The following ZXDC variants were observed in gnomAD, a reference collection of about 807,000 sequenced individuals.
ZXDC encodes the protein zinc finger protein ZXDC.
A neutral mutation model predicts 63.6 loss-of-function variants in ZXDC; 58 were observed. That is an observed-to-expected ratio of 0.91 (90% CI 0.74 to 1.13). The LOEUF is 1.13. ZXDC is among the 50% of genes most tolerant of loss of function. ZXDC has a pLI of 0.00. For missense variants in ZXDC, 1,133 were observed against 1,148.9 expected, an observed-to-expected ratio of 0.99 and a Z score of 0.20; for synonymous variants, 561 against 496.1, an observed-to-expected ratio of 1.13 and a Z score of -1.74.
chr3:126,458,237 CTTTT>C (rs11289191), intron 7 of ZXDC, among the ~76,000 whole-genome samples: 5 of 116,044 alleles, frequency 4.3e-5, no homozygotes, highest in African/African-American at 3.2e-5. Context: ...AATGTCCTTA[CTTTT>C]TTTTTTTTTT....
At chr3:126,471,131 T>C (rs1434010542) in intron 3 of ZXDC, 106 bp from the exon 4 acceptor site, 2 of 1,445,810 alleles carry the variant, frequency 1.4e-6, no homozygotes, top group Non-Finnish European at 1.9e-6. Flanking sequence ...TTTACAAAAA[T>C]GATCAGTACA....
rs143368957 is a variant in ZXDC, at chr3:126,444,259, G to A, written c.2213-2313C>T. Among the ~76,000 whole-genome samples the A allele has an allele frequency of 4.2e-3, 640 of 152,304 alleles. 4 individuals are homozygous for A. The highest frequency in any genetic ancestry group is 0.015 in the African/African-American group (614 of 41,564). On this transcript the variant is annotated intron_variant, in intron 7 of 9. Coordinates refer to ENST00000389709, the MANE Select transcript of ZXDC (RefSeq NM_025112.5). Reference sequence around the variant, plus strand: ...ATTATATTAGAAATATTGGCCGGGCGCAGTGGCTCACGCCTGTAATCCCAG... The same window carrying A: ...ATTATATTAGAAATATTGGCCGGGCACAGTGGCTCACGCCTGTAATCCCAG...
intron 8 of ZXDC, chr3:126,440,507 C>G (rs116252757): frequency 0.044 from 43,715 of 985,612 alleles, 995 homozygotes; most frequent in Middle Eastern, 0.051. Context: ...AGTATACCCC[C>G]TACTTGCTCC....
rs72977868 is a variant in ZXDC, at chr3:126,445,551, C to T, written c.2213-3605G>A. ...GTGTGCACTCCAAGGCAACACACTG[C>T]AGTAGAAGTCTGGTGGAGAGTTGCA... is the stretch of plus-strand genomic sequence containing the variant. On this transcript the variant is annotated intron_variant, in intron 7 of 9. Transcript: ENST00000389709. Among the ~76,000 whole-genome samples, 1,455 of 151,994 alleles carry T rather than the reference C, an allele frequency of 9.6e-3. 16 individuals are homozygous for T. Among genetic ancestry groups the T allele is most frequent in the African/African-American group, 0.03 (1,223 of 41,428 alleles).
At chr3:126,468,415 T>C (rs1402855434) in intron 4 of ZXDC, among the ~76,000 whole-genome samples, 1 of 152,128 alleles carries the variant, frequency 6.6e-6, no homozygotes, top group East Asian at 1.9e-4. Context: ...CCCCAACTAT[T>C]GCCCAACCCC....
chr3:126,467,451 T>C (rs1934817340), intron 4 of ZXDC, among the ~76,000 whole-genome samples: 2 of 152,172 alleles, frequency 1.3e-5, no homozygotes, highest in Admixed American at 1.3e-4. Flanking sequence ...AAGCAAGTGG[T>C]GCGAGCAACG....
In ZXDC at chr3:126,475,268, C is replaced by A; in HGVS notation, c.598G>T (p.Gly200Cys). 1 of 1,553,404 alleles carries A rather than the reference C, an allele frequency of 6.4e-7. No homozygotes were observed. The highest frequency in any genetic ancestry group is 2.4e-5 in the East Asian group (1 of 41,190). Residue 200 changes from glycine to cysteine, a missense_variant, in exon 1 of 10, where the codon GGC becomes TGC. Transcript: ENST00000389709. Reference protein sequence around the residue: ...HQLKVHLLTHGGGQGRRPFKC... With the variant: ...HQLKVHLLTHCGGQGRRPFKC... ...AAGGGCCGCCGGCCCTGACCGCCGC[C>A]GTGCGTGAGCAGGTGCACCTTGAGC... is the stretch of plus-strand genomic sequence containing the variant.
At chr3:126,451,955 C>T in intron 7 of ZXDC, 1 of 985,442 alleles carries the variant, frequency 1.0e-6, no homozygotes, top group African/African-American at 1.7e-5. Context: ...CAAGGGCAGG[C>T]TGCCCCCACA....
Position 126,456,009 on chromosome 3 carries a change from C to CA in ZXDC, c.2212+3643dup, listed in dbSNP as rs367862761. On this transcript the variant is annotated intron_variant, in intron 7 of 9. Transcript: ENST00000389709. ...AGCAAGACTCCATCTCAAAAAAAAA[C>CA]AAAAAAAAAAGAATCAGTATCATTG... Among the ~76,000 whole-genome samples the CA allele has an allele frequency of 7.6e-3, 1,100 of 145,572 alleles. 7 individuals carry two copies. The highest frequency in any genetic ancestry group is 0.025 in the African/African-American group (974 of 39,484).
intron 8 of ZXDC, chr3:126,440,548 G>A (rs1006841910): frequency 2.0e-4 from 201 of 985,582 alleles, no homozygotes; most frequent in Non-Finnish European, 2.3e-4. Flanking sequence ...CTTCCCTACC[G>A]TCTCCCTATT....
Position 126,466,252 on chromosome 3 carries a change from A to T in ZXDC, c.1344T>A (p.Ala448=), listed in dbSNP as rs774842564. 3.8e-5 allele frequency: 61 copies of T among 1,614,076 alleles called. No homozygotes were observed. The highest frequency in any genetic ancestry group is 4.9e-5 in the Non-Finnish European group (58 of 1,180,054). ...TAGAAACTGGGCAACGGCTTTTCGG[A>T]GCACCCACATCCTGCACGTGTTTCT... ...HSKKHVQDVG[A]PKSRCPVSTC... is the part of the protein sequence containing the mutation. Residue 448 remains alanine, a synonymous_variant, in exon 5 of 10, where the codon GCT becomes GCA. Transcript: ENST00000389709.
intron 8 of ZXDC, chr3:126,440,856 G>A (rs538328207): frequency 1.0e-6 from 1 of 985,876 alleles, no homozygotes; most frequent in African/African-American, 1.7e-5. Flanking sequence ...CTGAGCCCCA[G>A]GCCTGGTCCT....
intron 7 of ZXDC, chr3:126,451,131 A>G (rs1203827856): frequency 3.0e-6 from 3 of 985,462 alleles, no homozygotes; most frequent in South Asian, 4.7e-5. Context: ...TTTTGATGGT[A>G]GCTCCATCTT....
At chr3:126,473,206 C>T (rs1030094753) in intron 1 of ZXDC, among the ~76,000 whole-genome samples, 2 of 152,198 alleles carry the variant, frequency 1.3e-5, no homozygotes, top group African/African-American at 4.8e-5. Context: ...TGTGTTCACA[C>T]ACTTGGTCAT....
chr3:126,453,489 T>C (rs1457637968), intron 7 of ZXDC: 6 of 985,328 alleles, frequency 6.1e-6, no homozygotes, highest in Non-Finnish European at 7.2e-6. Context: ...TTGTGTTCCA[T>C]ATACAGTAAT....
intron 5 of ZXDC, among the ~76,000 whole-genome samples, chr3:126,464,783 G>C (rs927036714): frequency 9.2e-5 from 14 of 152,146 alleles, no homozygotes; most frequent in Admixed American, 8.5e-4. Flanking sequence ...GGGCCTCTGT[G>C]AGCAAAGGTG....
chr3:126,452,131 T>G, intron 7 of ZXDC: 1 of 985,390 alleles, frequency 1.0e-6, no homozygotes, highest in South Asian at 4.7e-5. Context: ...CGGTGCCCAG[T>G]GCGCTGGATC....
chr3:126,449,362 C>A (rs1934006989), intron 7 of ZXDC, among the ~76,000 whole-genome samples: 1 of 152,172 alleles, frequency 6.6e-6, no homozygotes. Flanking sequence ...TGCCCAGCGT[C>A]TCTGAATCTT....
chr3:126,453,692 A>AT lies in ZXDC; in HGVS notation c.2212+5960dup, dbSNP rs988855336. 10 of 984,468 alleles carry AT rather than the reference A, an allele frequency of 1.0e-5. No homozygotes were observed. In the African/African-American group the frequency reaches 1.1e-4, roughly 10 times the overall value. 61.0% of individuals were successfully genotyped at this position (984,468 alleles called of 1,614,324 possible). On this transcript the variant is annotated intron_variant, in intron 7 of 9. Transcript: ENST00000389709. ...TTTCCTGTATTTGTAATTAGCTTTTATTTTTTTTCTTTTTTTTTGGCGAAG... is the reference window on the plus strand; with the variant it reads ...TTTCCTGTATTTGTAATTAGCTTTTATTTTTTTTTCTTTTTTTTTGGCGAAG...
Sources: allele counts gnomAD v4.1 joint callset (sites outside exome capture counted in the v4.1 genomes callset), GRCh38; gene constraint gnomAD v4.1.1; transcripts MANE v1.5; gene names NCBI Gene and HGNC (gene_info 2026-07-23, HGNC 2026-07-21).